The following CASP8 variants were observed in gnomAD, a reference collection of about 807,000 sequenced individuals.
The protein encoded by CASP8 is caspase 8.
CASP8 carries 24 observed loss-of-function variants against 46.3 expected under a neutral mutation model. That is an observed-to-expected ratio of 0.52 (90% confidence interval 0.38 to 0.73). The LOEUF (loss-of-function observed/expected upper bound fraction) is 0.73, where lower values mean the gene tolerates loss of function less well. Ranked by LOEUF, CASP8 falls within the 30% of genes least tolerant of loss-of-function variation. CASP8 has a pLI of 0.00. For synonymous variants in CASP8, 188 were observed against 200.4 expected, an observed-to-expected ratio of 0.94 and a Z score of 0.52; for missense variants, 460 against 559.0, an observed-to-expected ratio of 0.82 and a Z score of 1.79.
In CASP8 at chr2:201,285,202, G is replaced by T. The variant is rs1949499267; in HGVS notation, c.1189G>T (p.Ala397Ser). 1 of 1,614,206 alleles carries T rather than the reference G, an allele frequency of 6.2e-7. No homozygotes were observed. Among genetic ancestry groups the T allele is most frequent in the Non-Finnish European group, 8.5e-7 (1 of 1,180,042 alleles). Residue 397 changes from alanine to serine, a missense_variant, in exon 8 of 9, where the codon GCT (alanine) becomes TCT (serine). Transcript: ENST00000673742. ...SPQTRYIPDE[A>S]DFLLGMATVN... Reference sequence around the variant, plus strand: ...TCAAACGAGATATATCCCGGATGAGGCTGACTTTCTGCTGGGGATGGCCAC... The same window carrying T: ...TCAAACGAGATATATCCCGGATGAGTCTGACTTTCTGCTGGGGATGGCCAC...
At chr2:201,253,299 T>A (rs1178291792) in intron 2 of CASP8, among the ~76,000 whole-genome samples, 1 of 108,928 alleles carries the variant, frequency 9.2e-6, no homozygotes, top group African/African-American at 4.1e-5. Context: ...TGATCTTTTT[T>A]TTTTTTTTTT....
intron 2 of CASP8, among the ~76,000 whole-genome samples, chr2:201,253,809 G>A (rs1213949051): frequency 1.3e-5 from 2 of 152,076 alleles, no homozygotes; most frequent in East Asian, 1.9e-4. Flanking sequence ...TGGGCCAGGC[G>A]CAGCGGCTCA....
At chr2:201,253,186 A>C (rs72932863) in intron 2 of CASP8, among the ~76,000 whole-genome samples, 4,427 of 150,862 alleles carry the variant, frequency 0.029, 99 homozygotes, top group Middle Eastern at 0.08. Context: ...TGGTAAAGAC[A>C]GTATGTTGCC....
chr2:201,258,475 G>A (rs1947148388), upstream of CASP8: 1 of 1,477,584 alleles, frequency 6.8e-7, no homozygotes, highest in Non-Finnish European at 9.4e-7. Flanking sequence ...TGGGGGTGGG[G>A]AAGCAACTTG....
At chr2:201,253,016 G>A (rs1025610629) in intron 2 of CASP8, among the ~76,000 whole-genome samples, 1 of 151,910 alleles carries the variant, frequency 6.6e-6, no homozygotes, top group Non-Finnish European at 1.5e-5. Context: ...ACAGGGGCTC[G>A]CTCCGTCCCC....
At chr2:201,246,490 G>A (rs1170752670) in intron 2 of CASP8, among the ~76,000 whole-genome samples, 1 of 152,094 alleles carries the variant, frequency 6.6e-6, no homozygotes, top group Non-Finnish European at 1.5e-5. Context: ...GAGAACTTGA[G>A]TGAAAAAAAC....
At chr2:201,278,768 G>C (rs60928755) in intron 7 of CASP8, among the ~76,000 whole-genome samples, 14,156 of 152,082 alleles carry the variant, frequency 0.093, 1,007 homozygotes, top group South Asian at 0.26. Flanking sequence ...CTGACCTCAG[G>C]TGATCCACTC....
rs1948666441 is a variant in CASP8 at position 201,276,890 on chromosome 2, C to T, written c.724C>T (p.His242Tyr). ...PRGYCLIINNHNFAKAREKVP... is the reference protein window; with the variant it reads ...PRGYCLIINNYNFAKAREKVP... ...GGGATACTGTCTGATCATCAACAAT[C>T]ACAATTTTGCAAAAGCACGGGAGAA... The change falls in exon 7 of 9, where the codon CAC becomes TAC. Residue 242 changes from histidine to tyrosine, a missense_variant. Transcript: ENST00000673742. The T allele has an allele frequency of 6.2e-7, 1 of 1,614,042 alleles. No individual in the cohort carries two copies. Among genetic ancestry groups the T allele is most frequent in the Non-Finnish European group, 8.5e-7 (1 of 1,179,916 alleles).
chr2:201,245,148 C>T (rs1307141868), intron 2 of CASP8, among the ~76,000 whole-genome samples: 4 of 152,140 alleles, frequency 2.6e-5, no homozygotes, highest in African/African-American at 4.8e-5. Flanking sequence ...AATCTGGGGC[C>T]ATTATCAGAT....
chr2:201,270,926 A>G (rs1263735285), intron 2 of CASP8, among the ~76,000 whole-genome samples: 1 of 152,052 alleles, frequency 6.6e-6, no homozygotes, highest in Non-Finnish European at 1.5e-5. Flanking sequence ...GCTTGAGCTG[A>G]TTGTTCATGG....
At position 201,284,869 on chromosome 2, in the gene CASP8, G is replaced by T; in HGVS notation, c.856G>T (p.Asp286Tyr). The T allele has an allele frequency of 6.2e-7, 1 of 1,614,138 alleles. No individual in the cohort carries two copies. The highest frequency in any genetic ancestry group is 8.5e-7 in the Non-Finnish European group (1 of 1,180,024). Residue 286 changes from aspartate (D) to tyrosine (Y), a missense_variant, in exon 8 of 9, where the codon GAC (aspartate) becomes TAC (tyrosine). Coordinates refer to ENST00000673742, the MANE Select transcript of CASP8 (RefSeq NM_001372051.1). ...ELHFEIKPHD[D>Y]CTVEQIYEIL... ...TCATTTTGAGATCAAGCCCCACGAT[G>T]ACTGCACAGTAGAGCAAATCTATGA...
At position 201,266,420 on chromosome 2, in the gene CASP8, C is replaced by T; in HGVS notation, c.-26-41C>T. ...TTGATGAACAAGCCAGCAAATGGTA[C>T]TTTTCTTCCTTATCTGAACATACCA... is the stretch of plus-strand genomic sequence containing the variant. On this transcript the variant is annotated intron_variant, in intron 1 of 8. Coordinates refer to ENST00000673742, the MANE Select transcript of CASP8 (RefSeq NM_001372051.1). This position sits in a 1 kb window ranked among gnomAD's most constrained non-coding sequence, Gnocchi z 5.7. The T allele has an allele frequency of 6.6e-7, 1 of 1,506,070 alleles. No individual in the cohort carries two copies. Among genetic ancestry groups the T allele is most frequent in the South Asian group, 1.1e-5 (1 of 88,760 alleles). The allele number at this position is 1,506,070 out of a possible 1,614,324, so 93.3% of individuals were successfully genotyped here. A position where few individuals can be genotyped will look rare whatever the true frequency, so the allele number is the denominator to read the frequency against.
At chr2:201,281,768 T>C (rs1346507173) in intron 7 of CASP8, 4 of 1,021,392 alleles carry the variant, frequency 3.9e-6, no homozygotes, top group Non-Finnish European at 5.5e-6. Flanking sequence ...TTACCCATCT[T>C]GTAAACTAGT....
At chr2:201,258,373 G>T, upstream of CASP8, 2 of 1,613,956 alleles carry the variant, frequency 1.2e-6, no homozygotes, top group Non-Finnish European at 1.7e-6. Context: ...GCCAGGAAAG[G>T]GTGGAGCGGG....
upstream of CASP8, among the ~76,000 whole-genome samples, chr2:201,256,485 T>A (rs1947024346): frequency 6.6e-6 from 1 of 152,242 alleles, no homozygotes; most frequent in African/African-American, 2.4e-5. Context: ...GGCCAACTCC[T>A]TTTTGTTAGG....
At chr2:201,283,528 A>G (rs1171157797) in intron 7 of CASP8, among the ~76,000 whole-genome samples, 2 of 54,710 alleles carry the variant, frequency 3.7e-5, no homozygotes, top group Non-Finnish European at 7.9e-5. Flanking sequence ...CGGGCAGAGG[A>G]GCCCCTCACC....
At chr2:201,249,458 G>A (rs1177109816) in intron 2 of CASP8, among the ~76,000 whole-genome samples, 2 of 152,184 alleles carry the variant, frequency 1.3e-5, no homozygotes, top group Non-Finnish European at 2.9e-5. Context: ...AGATTAGCTG[G>A]GCATGGTGGT....
chr2:201,248,489 G>A (rs1375131947), intron 2 of CASP8, among the ~76,000 whole-genome samples: 1 of 152,226 alleles, frequency 6.6e-6, no homozygotes, highest in Non-Finnish European at 1.5e-5. Context: ...CTGAAAACAA[G>A]ATGCAAATTT....
rs1164535571 is a variant in CASP8 at position 201,285,145 on chromosome 2, C to A, written c.1132C>A (p.Gln378Lys). ...GIPVETDSEEQPYLEMDLSSP... is the reference protein window; with the variant it reads ...GIPVETDSEEKPYLEMDLSSP... ...ACCTGTTGAGACTGATTCAGAGGAG[C>A]AACCCTATTTAGAAATGGATTTATC... is the stretch of plus-strand genomic sequence containing the variant. The change falls in exon 8 of 9, where the codon CAA becomes AAA. Residue 378 changes from glutamine to lysine, a missense_variant. Gln to Lys is a moderately conservative substitution (Grantham distance 53). Transcript: ENST00000673742. 5.6e-6 allele frequency: 9 copies of A among 1,614,058 alleles called. No individual in the cohort carries two copies. Among genetic ancestry groups the A allele is most frequent in the Non-Finnish European group, 7.6e-6 (9 of 1,180,034 alleles).
Sources: gnomAD v4.1 joint callset for allele counts (sites outside exome capture counted in the v4.1 genomes callset) on GRCh38, gnomAD v4.1.1 for gene constraint, Gnocchi (gnomAD v3.1) non-coding constraint, MANE v1.5 for transcripts, NCBI Gene and HGNC (gene_info 2026-07-23, HGNC 2026-07-21) for gene names.